MYO16: variants seen among roughly 807,000 people sequenced by gnomAD.
MYO16 encodes the protein unconventional myosin-XVI.
MYO16 carries 94 observed loss-of-function variants against 205.3 expected under a neutral mutation model. The ratio of observed to expected loss-of-function variants is 0.46; its 90% CI spans 0.39 to 0.54. The LOEUF (loss-of-function observed/expected upper bound fraction) is 0.54. Ranked by LOEUF, MYO16 falls within the 20% of genes least tolerant of loss-of-function variation. The probability of loss-of-function intolerance (pLI) is 0.00; values close to 1 mark genes in which losing one functional copy is unlikely to be tolerated. For missense variants in MYO16, 2,315 were observed against 2,387.5 expected, an observed-to-expected ratio of 0.97 and a Z score of 0.63; for synonymous variants, 988 against 954.0, an observed-to-expected ratio of 1.04 and a Z score of -0.66.
At position 109,141,116 on chromosome 13, in the gene MYO16, C is replaced by A; in HGVS notation, c.4904C>A (p.Ala1635Glu). The A allele has an allele frequency of 1.3e-6, 2 of 1,556,022 alleles. No individual in the cohort carries two copies. Among genetic ancestry groups the A allele is most frequent in the Admixed American group, 3.8e-5 (2 of 52,574 alleles). The change falls in exon 32 of 35, where the codon GCG becomes GAG. Residue 1635 changes from alanine to glutamate, a missense_variant. By Grantham distance (107) the Ala-to-Glu change is moderately radical. This residue lies in a region of MYO16 where 1,097 missense variants were observed against 1,092.0 expected (regional missense o/e 1.00). Coordinates refer to ENST00000457511, the MANE Select transcript of MYO16 (RefSeq NM_001198950.3). This position sits in a 1 kb window ranked among gnomAD's most constrained non-coding sequence, Gnocchi z 4.1. ...GGGAAAGCGGGGCCGAGCGCAGAGGCGCCCAAGGTTCACCCAAAGCCAAAC... is the reference window on the plus strand; with the variant it reads ...GGGAAAGCGGGGCCGAGCGCAGAGGAGCCCAAGGTTCACCCAAAGCCAAAC... ...NAGKAGPSAEAPKVHPKPNSA... is the reference protein window; with the variant it reads ...NAGKAGPSAEEPKVHPKPNSA...
intron 4 of MYO16, among the ~76,000 whole-genome samples, chr13:108,733,008 A>C (rs1884573656): frequency 6.6e-6 from 1 of 152,192 alleles, no homozygotes; most frequent in African/African-American, 2.4e-5. Flanking sequence ...GAATGGCAGA[A>C]GATTGGGTGT....
chr13:108,611,983 T>C (rs1355034535), intron 1 of MYO16, among the ~76,000 whole-genome samples: 1 of 140,814 alleles, frequency 7.1e-6, no homozygotes, highest in African/African-American at 2.6e-5. Flanking sequence ...TTTTTTTTTT[T>C]TTTTTTTTTT....
At chr13:108,953,140 A>T (rs1330943846) in intron 16 of MYO16, among the ~76,000 whole-genome samples, 1 of 152,240 alleles carries the variant, frequency 6.6e-6, no homozygotes, top group Non-Finnish European at 1.5e-5. Context: ...TGCATCAATG[A>T]TTGTCAACTT....
chr13:109,168,127 C>T (rs1052024576), intron 33 of MYO16, among the ~76,000 whole-genome samples: 2 of 151,842 alleles, frequency 1.3e-5, no homozygotes, highest in Non-Finnish European at 2.9e-5. Flanking sequence ...AAAAAGTCAA[C>T]TCAAAAGATG....
chr13:108,584,528 A>G, the MYO16 span, among the ~76,000 whole-genome samples: 1 of 152,046 alleles, frequency 6.6e-6, no homozygotes, highest in African/African-American at 2.4e-5. Context: ...TTTTTTATTA[A>G]TTATAGTTAC....
At chr13:108,856,959 A>G (rs1878209692) in intron 11 of MYO16, among the ~76,000 whole-genome samples, 1 of 152,212 alleles carries the variant, frequency 6.6e-6, no homozygotes, top group Admixed American at 6.5e-5. Context: ...CATGGAACAA[A>G]GAGCGCAACC....
At chr13:108,984,683 T>C (rs757692065) in intron 20 of MYO16, among the ~76,000 whole-genome samples, 1 of 152,180 alleles carries the variant, frequency 6.6e-6, no homozygotes, top group African/African-American at 2.4e-5. Context: ...TTCCTTACAA[T>C]TTTCCTGAGC....
chr13:108,554,248 A>T, the MYO16 span, among the ~76,000 whole-genome samples: 10 of 44,928 alleles, frequency 2.2e-4, no homozygotes, highest in African/African-American at 6.7e-4. Context: ...TTAAAAAAAG[A>T]AAAAAAAAAA....
chr13:109,075,667 C>A (rs895334032), intron 27 of MYO16, among the ~76,000 whole-genome samples: 1 of 152,174 alleles, frequency 6.6e-6, no homozygotes, highest in Non-Finnish European at 1.5e-5. Flanking sequence ...AGCCACCGCA[C>A]CTGGCCTGAA....
At chr13:108,580,042 A>G in the MYO16 span, among the ~76,000 whole-genome samples, 1 of 152,232 alleles carries the variant, frequency 6.6e-6, no homozygotes, top group Non-Finnish European at 1.5e-5. Context: ...GGCAAATAAT[A>G]TAATTCAAAT....
At chr13:108,662,551 T>G (rs1361323204) in intron 1 of MYO16, among the ~76,000 whole-genome samples, 1 of 152,018 alleles carries the variant, frequency 6.6e-6, no homozygotes, top group Non-Finnish European at 1.5e-5. Flanking sequence ...ATGCAGGTTG[T>G]CAGGGAACTG....
intron 23 of MYO16, among the ~76,000 whole-genome samples, chr13:109,026,412 G>A (rs933163247): frequency 6.6e-6 from 1 of 152,036 alleles, no homozygotes; most frequent in African/African-American, 2.4e-5. Context: ...GGAACACCTG[G>A]AACTCCCAGA....
the MYO16 span, among the ~76,000 whole-genome samples, chr13:108,575,503 T>C: frequency 6.6e-6 from 1 of 152,014 alleles, no homozygotes; most frequent in African/African-American, 2.4e-5. Context: ...CTGTGTGAAA[T>C]ACAACAAGCT....
chr13:108,529,866 T>A, the MYO16 span, among the ~76,000 whole-genome samples: 3 of 152,198 alleles, frequency 2.0e-5, no homozygotes, highest in African/African-American at 7.2e-5. Context: ...GTAACCCACT[T>A]GGGTGCCACT....
chr13:109,145,846 A>G (rs1566531426), intron 32 of MYO16, among the ~76,000 whole-genome samples: 1 of 152,254 alleles, frequency 6.6e-6, no homozygotes, highest in African/African-American at 2.4e-5. Flanking sequence ...GAAAAAGATC[A>G]GGAAGACAGG....
chr13:108,843,412 T>G (rs1264032006), intron 9 of MYO16, among the ~76,000 whole-genome samples: 2 of 152,166 alleles, frequency 1.3e-5, no homozygotes, highest in Non-Finnish European at 2.9e-5. Flanking sequence ...ATTTTGCCTA[T>G]GCAACTATGT....
intron 34 of MYO16, among the ~76,000 whole-genome samples, chr13:109,189,180 G>T (rs544499864): frequency 6.6e-6 from 1 of 151,944 alleles, no homozygotes; most frequent in East Asian, 1.9e-4. Flanking sequence ...GTCCTTCCAT[G>T]TTCTTCCCTC....
At chr13:108,539,261 T>C in the MYO16 span, among the ~76,000 whole-genome samples, 1 of 152,260 alleles carries the variant, frequency 6.6e-6, no homozygotes, top group Non-Finnish European at 1.5e-5. Flanking sequence ...CAATATCTGC[T>C]TTGCAGAAGA....
intron 16 of MYO16, among the ~76,000 whole-genome samples, chr13:108,944,371 G>T (rs139485450): frequency 6.6e-6 from 1 of 152,226 alleles, no homozygotes; most frequent in African/African-American, 2.4e-5. Flanking sequence ...AGGGAAAAAG[G>T]GAAGGGCACT....
Sources: allele counts gnomAD v4.1 joint callset (sites outside exome capture counted in the v4.1 genomes callset), GRCh38; gene constraint gnomAD v4.1.1; regional missense constraint gnomAD v4.1.1; non-coding constraint Gnocchi (gnomAD v3.1); transcripts MANE v1.5; gene names NCBI Gene and HGNC (gene_info 2026-07-23, HGNC 2026-07-21).